Variants in FMNL2 observed in about 807,000 individuals in gnomAD.
The protein encoded by FMNL2 is formin-like protein 2.
Under a neutral mutation model 130.2 loss-of-function variants are expected in FMNL2, and 51 were observed. That is an observed-to-expected ratio of 0.39 (90% CI 0.31 to 0.49). The LOEUF (loss-of-function observed/expected upper bound fraction) is 0.49. FMNL2 is among the 20% of genes least tolerant of loss of function. The pLI is 0.85. For missense variants in FMNL2, 977 were observed against 1,316.2 expected, an observed-to-expected ratio of 0.74 and a Z score of 3.99; for synonymous variants, 465 against 467.1, an observed-to-expected ratio of 1.00 and a Z score of 0.06.
At chr2:152,359,891 G>A (rs919443704) in intron 1 of FMNL2, among the ~76,000 whole-genome samples, 1 of 152,078 alleles carries the variant, frequency 6.6e-6, no homozygotes, top group Non-Finnish European at 1.5e-5. Flanking sequence ...TATTTACTTA[G>A]CAAGTAGTTG....
rs73968033 is a variant in FMNL2, at chr2:152,482,754, C to A, written c.118-39189C>A. ...TTCAAGCCTTTGAAACAGTTTCTGG[C>A]ATTCTGTAAATGTTAGCTGCTGCTG... On this transcript the variant is annotated intron_variant, in intron 1 of 25. Coordinates refer to ENST00000288670, the MANE Select transcript of FMNL2 (RefSeq NM_052905.4). 9.2e-3 allele frequency among the ~76,000 whole-genome samples: 1,397 copies of A among 152,300 alleles called. 28 individuals are homozygous for A. Among genetic ancestry groups the A allele is most frequent in the African/African-American group, 0.032 (1,332 of 41,550 alleles).
chr2:152,336,430 C>T (rs993379199), intron 1 of FMNL2, among the ~76,000 whole-genome samples: 12 of 152,202 alleles, frequency 7.9e-5, no homozygotes, highest in African/African-American at 2.7e-4. Context: ...TTTGCGGGGA[C>T]GTGTTGCGAG....
At chr2:152,446,473 A>C (rs1021068030) in intron 1 of FMNL2, among the ~76,000 whole-genome samples, 2 of 152,228 alleles carry the variant, frequency 1.3e-5, no homozygotes, top group East Asian at 3.8e-4. Flanking sequence ...ATGGAGGTGC[A>C]GTATACTATT....
intron 1 of FMNL2, among the ~76,000 whole-genome samples, chr2:152,408,247 T>TA (rs1048908006): frequency 6.6e-5 from 10 of 152,004 alleles, no homozygotes; most frequent in East Asian, 3.8e-4. Flanking sequence ...AGAACTTTTT[T>TA]AAAAAAAACA....
chr2:152,496,406 T>TA (rs1164415797), intron 1 of FMNL2, among the ~76,000 whole-genome samples: 2 of 152,188 alleles, frequency 1.3e-5, no homozygotes, highest in Non-Finnish European at 2.9e-5. Flanking sequence ...CATGTCTCGT[T>TA]ACTTTGCTAA....
intron 1 of FMNL2, among the ~76,000 whole-genome samples, chr2:152,366,054 C>G (rs1195356384): frequency 6.6e-6 from 1 of 151,930 alleles, no homozygotes; most frequent in Non-Finnish European, 1.5e-5. Flanking sequence ...GGTTTAGAGC[C>G]CTTGATCTGT....
At chr2:152,342,754 G>A (rs1466590508) in intron 1 of FMNL2, among the ~76,000 whole-genome samples, 3 of 152,184 alleles carry the variant, frequency 2.0e-5, no homozygotes, top group African/African-American at 7.2e-5. Context: ...ATGTCTAAGG[G>A]AAGAGCTGTT....
At chr2:152,373,418 AGTTCAATGAGATTTT>A (rs962347264) in intron 1 of FMNL2, among the ~76,000 whole-genome samples, 2 of 152,130 alleles carry the variant, frequency 1.3e-5, no homozygotes, top group Non-Finnish European at 2.9e-5. Flanking sequence ...GAAGCACTTT[AGTTCAATGAGATTTT>A]GAAGGAAATC....
chr2:152,448,945 G>A, intron 1 of FMNL2, among the ~76,000 whole-genome samples: 1 of 152,180 alleles, frequency 6.6e-6, no homozygotes, highest in East Asian at 1.9e-4. Flanking sequence ...TGCACTTTGT[G>A]TTTGTCGAGA....
At chr2:152,387,752 C>G (rs970985954) in intron 1 of FMNL2, among the ~76,000 whole-genome samples, 3 of 151,950 alleles carry the variant, frequency 2.0e-5, no homozygotes, top group Non-Finnish European at 4.4e-5. Flanking sequence ...CTTTTGGACT[C>G]AAGCCATCCT....
chr2:152,628,465 C>T lies in FMNL2; in HGVS notation c.2332C>T (p.Leu778Phe). The change falls in exon 18 of 26, where the codon CTC (leucine) becomes TTC (phenylalanine). Residue 778 changes from leucine (L) to phenylalanine (F), a missense_variant. Coordinates refer to ENST00000288670, the MANE Select transcript of FMNL2 (RefSeq NM_052905.4). The stretch of plus-strand genomic sequence containing the variant: ...GATGCAGTTTAGTAAAATCGAGAGG[C>T]TCATGCAGAAGATGACCATCATGGC... ...FMMQFSKIERLMQKMTIMAFI... is the reference protein window; with the variant it reads ...FMMQFSKIERFMQKMTIMAFI... 6.2e-7 allele frequency: 1 copy of T among 1,613,990 alleles called. No homozygotes were observed. Among genetic ancestry groups the T allele is most frequent in the Non-Finnish European group, 8.5e-7 (1 of 1,179,894 alleles).
At chr2:152,456,301 T>A in intron 1 of FMNL2, among the ~76,000 whole-genome samples, 1 of 152,184 alleles carries the variant, frequency 6.6e-6, no homozygotes, top group East Asian at 1.9e-4. Context: ...GTTGAAAAGG[T>A]AAATAAGTGA....
intron 1 of FMNL2, among the ~76,000 whole-genome samples, chr2:152,480,270 C>A (rs1286137720): frequency 2.0e-5 from 3 of 152,144 alleles, no homozygotes; most frequent in Admixed American, 2.0e-4. Context: ...AATAATCTTG[C>A]ATTTTTTTGT....
At chr2:152,531,478 C>CTT (rs11462086) in intron 2 of FMNL2, among the ~76,000 whole-genome samples, 84 of 147,886 alleles carry the variant, frequency 5.7e-4, no homozygotes, top group Non-Finnish European at 5.1e-4. Flanking sequence ...GATGTAAGAT[C>CTT]TTTTTTTTTT....
intron 1 of FMNL2, among the ~76,000 whole-genome samples, chr2:152,433,812 C>G (rs1289546456): frequency 6.6e-6 from 1 of 152,166 alleles, no homozygotes; most frequent in Non-Finnish European, 1.5e-5. Flanking sequence ...GTTCTTCCCC[C>G]ATAATTGGCC....
At chr2:152,342,298 T>C (rs1681856669) in intron 1 of FMNL2, among the ~76,000 whole-genome samples, 1 of 152,208 alleles carries the variant, frequency 6.6e-6, no homozygotes, top group African/African-American at 2.4e-5. Flanking sequence ...TTATAGATGA[T>C]TGCCCCTCCT....
intron 1 of FMNL2, among the ~76,000 whole-genome samples, chr2:152,371,539 T>A (rs1454770499): frequency 6.6e-6 from 1 of 151,594 alleles, no homozygotes; most frequent in Non-Finnish European, 1.5e-5. Context: ...CGTGGTGCCA[T>A]GTGCCTGTAG....
chr2:152,545,078 G>GA (rs1694544158), intron 3 of FMNL2, among the ~76,000 whole-genome samples: 2 of 152,128 alleles, frequency 1.3e-5, no homozygotes, highest in Non-Finnish European at 2.9e-5. Flanking sequence ...ATTCAGCTCA[G>GA]AAAAAATAAA....
At chr2:152,538,293 T>C (rs1411961566) in intron 2 of FMNL2, among the ~76,000 whole-genome samples, 2 of 152,080 alleles carry the variant, frequency 1.3e-5, no homozygotes, top group Non-Finnish European at 2.9e-5. Flanking sequence ...TTTTGTTTGT[T>C]TGTTTTTTGA....
Sources: gnomAD v4.1 joint callset for allele counts (sites outside exome capture counted in the v4.1 genomes callset) on GRCh38, gnomAD v4.1.1 for gene constraint, MANE v1.5 for transcripts, NCBI Gene and HGNC (gene_info 2026-07-23, HGNC 2026-07-21) for gene names.